Variants in VKORC1L1 observed in about 807,000 individuals in gnomAD.
VKORC1L1 encodes vitamin K epoxide reductase complex subunit 1-like protein 1.
VKORC1L1 carries 2 observed loss-of-function variants against 18.9 expected under a neutral mutation model. The ratio of observed to expected loss-of-function variants is 0.11; its 90% CI spans 0.04 to 0.33. The LOEUF is 0.33. VKORC1L1 is among the 10% of genes least tolerant of loss of function. The pLI, the probability that VKORC1L1 is intolerant of heterozygous loss-of-function variation, is 1.00. For missense variants in VKORC1L1, 123 were observed against 224.1 expected (o/e 0.55, Z 2.88); for synonymous variants, 96 against 100.0 (o/e 0.96, Z 0.24).
intron 1 of VKORC1L1, among the ~76,000 whole-genome samples, chr7:65,911,867 C>A (rs1789507753): frequency 1.3e-5 from 2 of 152,174 alleles, no homozygotes; most frequent in African/African-American, 4.8e-5. Context: ...ATGATTGTAT[C>A]ATTCTTAGAA....
Position 65,873,237 on chromosome 7 carries a change from C to CGCGGCGGCG in VKORC1L1, c.-124_-116dup, listed in dbSNP as rs950125917. 3 of 956,030 alleles carry CGCGGCGGCG rather than the reference C, an allele frequency of 3.1e-6. No homozygotes were observed. The highest frequency in any genetic ancestry group is 1.3e-4 in the Admixed American group (2 of 15,858). 59.2% of individuals were successfully genotyped at this position (956,030 alleles called of 1,614,324 possible). A position where few individuals can be genotyped will look rare whatever the true frequency, so the allele number is the denominator to read the frequency against. On this transcript the variant is annotated 5_prime_UTR_variant, in exon 1 of 3. Coordinates refer to ENST00000360768, the MANE Select transcript of VKORC1L1 (RefSeq NM_173517.6). Reference sequence around the variant, plus strand: ...GGAGCAGGCCACCGAGCCAATGGGGCGCGGCGGCGGCGGCGGCGGTGGTGG... The same window carrying CGCGGCGGCG: ...GGAGCAGGCCACCGAGCCAATGGGGCGCGGCGGCGGCGGCGGCGGCGGCGGCGGTGGTGG...
At chr7:65,872,683 A>C (rs1788741133), upstream of VKORC1L1, among the ~76,000 whole-genome samples, 1 of 151,850 alleles carries the variant, frequency 6.6e-6, no homozygotes, top group South Asian at 2.1e-4. Context: ...TTGCACATTA[A>C]AAAAAAAGTT....
chr7:65,940,909 C>G (rs1453092885), intron 1 of VKORC1L1, among the ~76,000 whole-genome samples: 1 of 151,950 alleles, frequency 6.6e-6, no homozygotes, highest in Admixed American at 6.6e-5. Flanking sequence ...GAGCAAGGAA[C>G]CTATAGCTTA....
chr7:65,882,898 A>G (rs1788951084), intron 1 of VKORC1L1, among the ~76,000 whole-genome samples: 1 of 152,222 alleles, frequency 6.6e-6, no homozygotes, highest in South Asian at 2.1e-4. Context: ...AAACTTCTGG[A>G]CAGGTGTAAT....
intron 1 of VKORC1L1, among the ~76,000 whole-genome samples, chr7:65,879,421 A>G (rs893122246): frequency 6.6e-6 from 1 of 152,218 alleles, no homozygotes; most frequent in Admixed American, 6.5e-5. Flanking sequence ...ATAAATGTTA[A>G]TACTTACAGA....
intron 1 of VKORC1L1, among the ~76,000 whole-genome samples, chr7:65,939,952 A>G (rs1175872703): frequency 1.3e-5 from 2 of 152,188 alleles, no homozygotes; most frequent in African/African-American, 2.4e-5. Context: ...TTGATTGCCA[A>G]ATGTAATAGT....
chr7:65,916,644 G>C (rs1315437317), intron 1 of VKORC1L1, among the ~76,000 whole-genome samples: 1 of 151,744 alleles, frequency 6.6e-6, no homozygotes, highest in Non-Finnish European at 1.5e-5. Flanking sequence ...TGTTGCCCAG[G>C]CTGGAGTGCA....
intron 1 of VKORC1L1, among the ~76,000 whole-genome samples, chr7:65,934,520 C>T (rs1789909493): frequency 6.6e-6 from 1 of 152,000 alleles, no homozygotes; most frequent in African/African-American, 2.4e-5. Flanking sequence ...ATCCTTTGAC[C>T]ACCATCTCTT....
chr7:65,925,463 C>T (rs62470896), intron 1 of VKORC1L1, among the ~76,000 whole-genome samples: 1 of 152,290 alleles, frequency 6.6e-6, no homozygotes, highest in South Asian at 2.1e-4. Flanking sequence ...ACTGTTAACC[C>T]CTCAGGCAGA....
chr7:65,872,749 T>G (rs1788741670), upstream of VKORC1L1, among the ~76,000 whole-genome samples: 1 of 152,128 alleles, frequency 6.6e-6, no homozygotes, highest in Non-Finnish European at 1.5e-5. Flanking sequence ...GGTGTGGGTC[T>G]CTGGAGCTCC....
At chr7:65,910,306 T>A (rs11767030) in intron 1 of VKORC1L1, among the ~76,000 whole-genome samples, 48,794 of 151,954 alleles carry the variant, frequency 0.32, 8,864 homozygotes, top group East Asian at 0.46. Flanking sequence ...TGTATTTGCA[T>A]TCTCATGATT....
intron 1 of VKORC1L1, among the ~76,000 whole-genome samples, chr7:65,895,118 G>A (rs185622929): frequency 2.6e-5 from 4 of 152,092 alleles, no homozygotes; most frequent in Non-Finnish European, 5.9e-5. Flanking sequence ...GTTAAGATAC[G>A]CCTTAAAGCT....
At chr7:65,893,248 A>G (rs182298544) in intron 1 of VKORC1L1, among the ~76,000 whole-genome samples, 1 of 152,208 alleles carries the variant, frequency 6.6e-6, no homozygotes, top group East Asian at 1.9e-4. Context: ...GATATTTAAA[A>G]CTTTCCTGTT....
chr7:65,891,044 A>G (rs900599077), intron 1 of VKORC1L1, among the ~76,000 whole-genome samples: 5 of 151,976 alleles, frequency 3.3e-5, no homozygotes, highest in African/African-American at 9.7e-5. Flanking sequence ...AACTTCATAT[A>G]AATGGGCTCA....
intron 1 of VKORC1L1, among the ~76,000 whole-genome samples, chr7:65,929,888 TA>T (rs1029506374): frequency 6.6e-6 from 1 of 151,754 alleles, no homozygotes; most frequent in Non-Finnish European, 1.5e-5. Context: ...GGATAATTAA[TA>T]TCCTAAAAAT....
At chr7:65,923,668 G>A (rs577454150) in intron 1 of VKORC1L1, among the ~76,000 whole-genome samples, 17 of 152,322 alleles carry the variant, frequency 1.1e-4, no homozygotes, top group African/African-American at 4.1e-4. Context: ...TTCCTTCCTG[G>A]CCTTGACAAA....
intron 1 of VKORC1L1, among the ~76,000 whole-genome samples, chr7:65,947,247 C>T (rs1382824677): frequency 6.6e-6 from 1 of 152,168 alleles, no homozygotes; most frequent in African/African-American, 2.4e-5. Context: ...CTCCCAACAT[C>T]ATCGTTATAC....
chr7:65,945,003 G>T (rs1261335386), intron 1 of VKORC1L1, among the ~76,000 whole-genome samples: 1 of 152,096 alleles, frequency 6.6e-6, no homozygotes, highest in South Asian at 2.1e-4. Context: ...GCTGATGCCT[G>T]TAATCCTAGC....
At chr7:65,869,845 G>C (rs1407740865), upstream of VKORC1L1, among the ~76,000 whole-genome samples, 2 of 151,260 alleles carry the variant, frequency 1.3e-5, no homozygotes, top group African/African-American at 4.9e-5. Context: ...TGTAGAGATG[G>C]GGTCTTGCTA....
Sources: allele counts gnomAD v4.1 joint callset (sites outside exome capture counted in the v4.1 genomes callset), GRCh38; gene constraint gnomAD v4.1.1; transcripts MANE v1.5; gene names NCBI Gene and HGNC (gene_info 2026-07-23, HGNC 2026-07-21).